Variants in RGL1 observed in about 807,000 individuals in gnomAD.
RGL1 encodes the protein ral guanine nucleotide dissociation stimulator like 1.
In RGL1, 24 loss-of-function variants were observed where a neutral mutation model predicts 95.2. The ratio of observed to expected loss-of-function variants is 0.25; its 90% CI spans 0.18 to 0.35. The LOEUF is 0.35. RGL1 is among the 10% of genes least tolerant of loss of function. RGL1 has a pLI of 1.00. For missense variants in RGL1, 715 were observed against 936.3 expected (o/e 0.76, Z 3.08); for synonymous variants, 329 against 344.9 (o/e 0.95, Z 0.51).
chr1:183,684,618 C>A (rs750884851), intron 1 of RGL1, among the ~76,000 whole-genome samples: 1 of 152,170 alleles, frequency 6.6e-6, no homozygotes, highest in Non-Finnish European at 1.5e-5. Flanking sequence ...CACTGGTGTT[C>A]CAGGCGCCAC....
chr1:183,742,812 AT>A (rs1172890956), intron 2 of RGL1, among the ~76,000 whole-genome samples: 15 of 152,088 alleles, frequency 9.9e-5, no homozygotes, highest in African/African-American at 3.4e-4. Context: ...TAAAGCTTTT[AT>A]TTTTATTATG....
At chr1:183,848,331 T>C (rs1306355914) in intron 3 of RGL1, among the ~76,000 whole-genome samples, 1 of 152,238 alleles carries the variant, frequency 6.6e-6, no homozygotes, top group East Asian at 1.9e-4. Flanking sequence ...GCAGTATACA[T>C]TGATATTTAC....
intron 10 of RGL1, among the ~76,000 whole-genome samples, 170 bp from the exon 11 acceptor site, chr1:183,899,980 G>A (rs899267905): frequency 8.5e-5 from 13 of 152,224 alleles, no homozygotes; most frequent in African/African-American, 3.1e-4. Flanking sequence ...TTAGATCATG[G>A]AGTTTCTATC....
At chr1:183,687,805 A>C (rs1013467964) in intron 1 of RGL1, among the ~76,000 whole-genome samples, 1 of 152,320 alleles carries the variant, frequency 6.6e-6, no homozygotes, top group East Asian at 1.9e-4. Flanking sequence ...CCAATGAATA[A>C]ATTTTTAAAA....
intron 4 of RGL1, among the ~76,000 whole-genome samples, chr1:183,871,419 T>C (rs1666176392): frequency 6.6e-6 from 1 of 152,204 alleles, no homozygotes; most frequent in African/African-American, 2.4e-5. Context: ...AGGAATCCAA[T>C]GACATTCAGG....
chr1:183,795,606 G>T (rs1660658595), intron 2 of RGL1, among the ~76,000 whole-genome samples: 1 of 152,206 alleles, frequency 6.6e-6, no homozygotes, highest in African/African-American at 2.4e-5. Flanking sequence ...AGCTGAAGAG[G>T]CAGGCAGGGG....
chr1:183,882,196 A>G (rs1243934056), intron 5 of RGL1, among the ~76,000 whole-genome samples: 1 of 152,250 alleles, frequency 6.6e-6, no homozygotes, highest in Non-Finnish European at 1.5e-5. Flanking sequence ...CAAAAGCAGA[A>G]AACAGTGAAG....
In RGL1 at chr1:183,916,795, A is replaced by G. The variant is rs1669006841; in HGVS notation, c.2004+94A>G. 7 of 1,390,056 alleles carry G rather than the reference A, an allele frequency of 5.0e-6. No individual in the cohort carries two copies. In the Admixed American group the frequency reaches 1.4e-4, roughly 28 times the overall value. The allele number at this position is 1,390,056 out of a possible 1,614,324, so 86.1% of individuals were successfully genotyped here. A position where few individuals can be genotyped will look rare whatever the true frequency, so the allele number is the denominator to read the frequency against. On this transcript the variant is annotated intron_variant, in intron 16 of 17. Transcript: ENST00000360851. ...CAGACTAATAGCCCTAAATATGCAC[A>G]CTCAATATTAGCATATACATATATG...
chr1:183,818,381 C>T (rs1244972205), intron 2 of RGL1, among the ~76,000 whole-genome samples: 1 of 152,224 alleles, frequency 6.6e-6, no homozygotes, highest in Admixed American at 6.5e-5. Flanking sequence ...TCTCTTATCA[C>T]TGTGTCACTG....
At chr1:183,698,921 G>A (rs1241814342) in intron 1 of RGL1, among the ~76,000 whole-genome samples, 1 of 152,212 alleles carries the variant, frequency 6.6e-6, no homozygotes, top group Non-Finnish European at 1.5e-5. Flanking sequence ...TGTATGTATT[G>A]AGTGTTTTTC....
chr1:183,918,904 C>T (rs984540672), intron 16 of RGL1, among the ~76,000 whole-genome samples: 2 of 152,220 alleles, frequency 1.3e-5, no homozygotes, highest in African/African-American at 4.8e-5. Flanking sequence ...CAGGACGTAC[C>T]TTTCTGAAAT....
intron 1 of RGL1, among the ~76,000 whole-genome samples, chr1:183,731,640 G>A (rs1656633901): frequency 6.6e-6 from 1 of 152,140 alleles, no homozygotes; most frequent in Non-Finnish European, 1.5e-5. Flanking sequence ...ATGACAAAAT[G>A]AAAATGAAAG....
intron 1 of RGL1, among the ~76,000 whole-genome samples, chr1:183,738,953 A>C (rs1229012790): frequency 6.6e-6 from 1 of 152,194 alleles, no homozygotes; most frequent in Non-Finnish European, 1.5e-5. Context: ...GCTAGATTTG[A>C]AGAGGAAAAG....
rs1572595443 is a variant in RGL1 at position 183,912,383 on chromosome 1, A to G, written c.1749+115A>G. 3.4e-6 allele frequency: 3 copies of G among 877,854 alleles called. No individual in the cohort carries two copies. In the East Asian group the frequency reaches 8.1e-5, roughly 24 times the overall value. The allele number at this position is 877,854 out of a possible 1,614,324, so 54.4% of individuals were successfully genotyped here. A position where few individuals can be genotyped will look rare whatever the true frequency, so the allele number is the denominator to read the frequency against. On this transcript the variant is annotated intron_variant, in intron 15 of 17. Transcript: ENST00000360851. Reference sequence around the variant, plus strand: ...ATCACTCTATAGTATTTTGAAAGTCATGTTTTGAACAGGCATCAAAAGAAG... The same window carrying G: ...ATCACTCTATAGTATTTTGAAAGTCGTGTTTTGAACAGGCATCAAAAGAAG...
At chr1:183,870,013 A>G (rs1014373018) in intron 4 of RGL1, among the ~76,000 whole-genome samples, 6 of 152,214 alleles carry the variant, frequency 3.9e-5, no homozygotes, top group African/African-American at 1.4e-4. Context: ...GGTAGAGGCC[A>G]GGGATGCTGC....
At chr1:183,753,049 C>G (rs572451437) in intron 2 of RGL1, among the ~76,000 whole-genome samples, 19 of 152,230 alleles carry the variant, frequency 1.2e-4, no homozygotes, top group Non-Finnish European at 2.2e-4. Context: ...GGAAATATCT[C>G]CAATTTTTTT....
At chr1:183,783,234 A>G (rs931314902) in intron 2 of RGL1, among the ~76,000 whole-genome samples, 1 of 152,118 alleles carries the variant, frequency 6.6e-6, no homozygotes, top group Non-Finnish European at 1.5e-5. Flanking sequence ...GATGAATTCA[A>G]CAAGAGAGAG....
intron 4 of RGL1, among the ~76,000 whole-genome samples, chr1:183,872,648 C>T (rs970731141): frequency 2.6e-5 from 4 of 152,170 alleles, no homozygotes; most frequent in Non-Finnish European, 5.9e-5. Context: ...TAATCCAAGA[C>T]ATCGGATACA....
chr1:183,906,569 T>G (rs1010889199), intron 13 of RGL1, among the ~76,000 whole-genome samples: 1 of 152,164 alleles, frequency 6.6e-6, no homozygotes, highest in African/African-American at 2.4e-5. Context: ...TCATTTTCTT[T>G]AGATAAAACT....
Sources: allele counts gnomAD v4.1 joint callset (sites outside exome capture counted in the v4.1 genomes callset), GRCh38; gene constraint gnomAD v4.1.1; transcripts MANE v1.5; gene names NCBI Gene and HGNC (gene_info 2026-07-23, HGNC 2026-07-21).